The following PAM variants were observed in gnomAD, a reference collection of about 807,000 sequenced individuals.
PAM encodes peptidyl-glycine alpha-amidating monooxygenase.
Under a neutral mutation model 122.1 loss-of-function variants are expected in PAM, and 72 were observed. The observed-to-expected ratio is 0.59, with a 90% CI of 0.49 to 0.72. The LOEUF (loss-of-function observed/expected upper bound fraction) is 0.72, where lower values mean the gene tolerates loss of function less well. Ranked by LOEUF, PAM falls within the 30% of genes least tolerant of loss-of-function variation. PAM has a pLI of 0.00. For synonymous variants in PAM, 389 were observed against 404.4 expected (o/e 0.96, Z 0.46); for missense variants, 1,106 against 1,183.7 (o/e 0.93, Z 0.96).
chr5:102,931,832 C>G (rs1488726434), intron 7 of PAM, among the ~76,000 whole-genome samples: 1 of 151,814 alleles, frequency 6.6e-6, no homozygotes, highest in Non-Finnish European at 1.5e-5. Context: ...CTCTCTCTCT[C>G]TGTCTCTCTC....
intron 3 of PAM, among the ~76,000 whole-genome samples, chr5:102,870,533 TA>T (rs1787080204): frequency 6.6e-6 from 1 of 152,318 alleles, no homozygotes; most frequent in African/African-American, 2.4e-5. Context: ...TTTCTCCCAT[TA>T]AACTAGATCC....
intron 12 of PAM, among the ~76,000 whole-genome samples, chr5:102,954,350 G>A (rs769130114): frequency 2.0e-5 from 3 of 151,568 alleles, no homozygotes; most frequent in Non-Finnish European, 4.4e-5. Context: ...TCATTCTTAT[G>A]CCTTTGCCTC....
intron 7 of PAM, among the ~76,000 whole-genome samples, chr5:102,939,093 T>C (rs541180776): frequency 1.2e-4 from 19 of 152,240 alleles, no homozygotes; most frequent in Admixed American, 5.9e-4. Context: ...TAAAAAAGCA[T>C]TTGATGAAAA....
At chr5:102,878,232 T>A in intron 3 of PAM, among the ~76,000 whole-genome samples, 1 of 152,158 alleles carries the variant, frequency 6.6e-6, no homozygotes, top group East Asian at 1.9e-4. Context: ...TTCTTCATAA[T>A]GATGTTTCAA....
intron 1 of PAM, among the ~76,000 whole-genome samples, chr5:102,832,004 T>C (rs258242): frequency 0.68 from 103,199 of 151,678 alleles, 35,354 homozygotes; most frequent in South Asian, 0.82. Flanking sequence ...CAAAGTTTTA[T>C]CTTCCATTGA....
chr5:102,926,764 C>T, intron 7 of PAM, 96 bp downstream of exon 7: 1 of 686,016 alleles, frequency 1.5e-6, no homozygotes, highest in South Asian at 1.9e-5. Context: ...AAAGAATTGC[C>T]CACACCCTCT....
chr5:102,951,162 C>T (rs1259652984), intron 12 of PAM, among the ~76,000 whole-genome samples: 1 of 151,858 alleles, frequency 6.6e-6, no homozygotes, highest in Non-Finnish European at 1.5e-5. Flanking sequence ...CCTTTTTGCC[C>T]TGTGTTCACG....
chr5:102,782,885 A>G (rs1234560138), intron 1 of PAM, among the ~76,000 whole-genome samples: 2 of 150,642 alleles, frequency 1.3e-5, no homozygotes, highest in Non-Finnish European at 3.0e-5. Context: ...CTTTCCTTCT[A>G]TTATACTCCC....
intron 16 of PAM, among the ~76,000 whole-genome samples, chr5:102,995,462 C>T (rs189765596): frequency 8.0e-4 from 122 of 152,194 alleles, no homozygotes; most frequent in African/African-American, 2.6e-3. Flanking sequence ...GAGAAAATCA[C>T]GTTTTTTTGA....
rs75208805 is a variant in PAM at position 102,830,542 on chromosome 5, A to C, written c.-373-35281A>C. Among the ~76,000 whole-genome samples, 1,359 of 152,322 alleles carry C rather than the reference A, an allele frequency of 8.9e-3. 14 individuals are homozygous for C. Among genetic ancestry groups the C allele is most frequent in the Middle Eastern group, 0.017 (5 of 294 alleles). On this transcript the variant is annotated intron_variant, in intron 1 of 25. Coordinates refer to ENST00000438793, the MANE Select transcript of PAM (RefSeq NM_001177306.2). ...TCTCCTCTTACTACACCCTCAGCTC[A>C]GTTCCTTTAATGAGAAGACATTCTA...
In PAM at chr5:102,974,331, A is replaced by C. The variant is rs1289539731; in HGVS notation, c.1378A>C (p.Lys460Gln). The part of the protein sequence containing the change: ...NAILVRDRIH[K>Q]FHRLVSTLRP... ...TATTCTTGTCAGAGACAGAATTCAC[A>C]AATTCCACAGACTAGTATCTACCTT... Residue 460 changes from lysine to glutamine, a missense_variant, in exon 15 of 26, where the codon AAA becomes CAA. By Grantham distance (53) the Lys-to-Gln change is moderately conservative. This residue lies in a region of PAM where 670 missense variants were observed against 690.3 expected (regional missense o/e 0.97). Coordinates refer to ENST00000438793, the MANE Select transcript of PAM (RefSeq NM_001177306.2). 6.2e-7 allele frequency: 1 copy of C among 1,613,834 alleles called. No individual in the cohort carries two copies. The highest frequency in any genetic ancestry group is 8.5e-7 in the Non-Finnish European group (1 of 1,179,832).
In PAM at chr5:102,859,155, C is replaced by CA. The variant is rs1007909001; in HGVS notation, c.-373-6660dup. On this transcript the variant is annotated intron_variant, in intron 1 of 25. Transcript: ENST00000438793. Reference sequence around the variant, plus strand: ...TTTTAGAGTGCACTCCTTCTACTTACAAAAAAAATGTTAACTGTAAAACAG... The same window carrying CA: ...TTTTAGAGTGCACTCCTTCTACTTACAAAAAAAAATGTTAACTGTAAAACAG... 1.3e-4 allele frequency among the ~76,000 whole-genome samples: 19 copies of CA among 151,900 alleles called. No individual in the cohort carries two copies. In the South Asian group the frequency reaches 1.5e-3, roughly 12 times the overall value.
At chr5:102,814,499 G>A (rs940201642) in intron 1 of PAM, among the ~76,000 whole-genome samples, 10 of 144,340 alleles carry the variant, frequency 6.9e-5, no homozygotes, top group African/African-American at 2.1e-4. Flanking sequence ...AGCCAAAAGC[G>A]TCTCTCTCTC....
At chr5:102,823,690 C>T (rs1470092076) in intron 1 of PAM, among the ~76,000 whole-genome samples, 1 of 152,100 alleles carries the variant, frequency 6.6e-6, no homozygotes, top group African/African-American at 2.4e-5. Context: ...TAAGAGTGAG[C>T]ATTAAGAAAG....
At chr5:102,911,014 C>G (rs1257535972) in intron 4 of PAM, among the ~76,000 whole-genome samples, 1 of 151,774 alleles carries the variant, frequency 6.6e-6, no homozygotes, top group Non-Finnish European at 1.5e-5. Flanking sequence ...CCTGTCAGAC[C>G]AATCTTTTCC....
chr5:103,028,807 C>A (rs750998575), intron 25 of PAM, 80 bp from the exon 26 acceptor site: 23 of 940,646 alleles, frequency 2.4e-5, no homozygotes, highest in Non-Finnish European at 3.2e-5. Flanking sequence ...CACCTTCTGA[C>A]TTTATCATTT....
intron 3 of PAM, among the ~76,000 whole-genome samples, chr5:102,881,129 T>TACACACAC (rs34434423): frequency 0.14 from 20,200 of 145,656 alleles, 1,690 homozygotes; most frequent in East Asian, 0.28. Context: ...TTTTTATACA[T>TACACACAC]ACACACACAC....
Position 102,867,337 on chromosome 5 carries a change from A to AT in PAM, c.156dup (p.Asp53Ter). On this transcript the variant is annotated frameshift_variant, in exon 3 of 26. Coordinates refer to ENST00000438793, the MANE Select transcript of PAM (RefSeq NM_001177306.2). LOFTEE classifies it high-confidence loss of function. ...TGGTACCACCAGACCCGTAGTTCCT[A>AT]TTGATTCATCAGATTTTGCATTGGA... 6.2e-7 allele frequency: 1 copy of AT among 1,605,738 alleles called. No homozygotes were observed.
chr5:102,979,019 G>A (rs1168416019), intron 15 of PAM, among the ~76,000 whole-genome samples: 2 of 139,510 alleles, frequency 1.4e-5, no homozygotes, highest in African/African-American at 2.7e-5. Context: ...TAATCACTCT[G>A]TTATTCTGCA....
Sources: allele counts gnomAD v4.1 joint callset (sites outside exome capture counted in the v4.1 genomes callset), GRCh38; gene constraint gnomAD v4.1.1; regional missense constraint gnomAD v4.1.1; transcripts MANE v1.5; gene names NCBI Gene and HGNC (gene_info 2026-07-23, HGNC 2026-07-21).